Variants in SDC1 observed in about 807,000 individuals in gnomAD.
SDC1 encodes the protein syndecan-1.
SDC1 carries 14 observed loss-of-function variants against 29.7 expected under a neutral mutation model. That is an observed-to-expected ratio of 0.47 (90% CI 0.31 to 0.74). SDC1 has a LOEUF of 0.74. Among genes scored for constraint, SDC1 ranks in the 30% least tolerant of loss-of-function variants. The probability of loss-of-function intolerance (pLI) is 0.05; values close to 1 mark genes in which losing one functional copy is unlikely to be tolerated. For synonymous variants in SDC1, 204 were observed against 175.5 expected (o/e 1.16, Z -1.29); for missense variants, 406 against 400.3 (o/e 1.01, Z -0.12).
In SDC1 at chr2:20,202,088, C is replaced by G. The variant is rs1467092497; in HGVS notation, c.*678G>C. ...TACATTTTGGCTTCCAGATTTGGTT[C>G]TCCTAGTTTAAAAAAAAAAAAAAAA... On this transcript the variant is annotated 3_prime_UTR_variant, in exon 5 of 5. Transcript: ENST00000254351. 2 of 537,310 alleles carry G rather than the reference C, an allele frequency of 3.7e-6. No individual in the cohort carries two copies. Among genetic ancestry groups the G allele is most frequent in the Non-Finnish European group, 6.5e-6 (2 of 309,642 alleles). The allele number at this position is 537,310 out of a possible 1,614,324, so 33.3% of individuals were successfully genotyped here.
chr2:20,215,680 C>A (rs929922577), intron 1 of SDC1, among the ~76,000 whole-genome samples: 2 of 152,218 alleles, frequency 1.3e-5, no homozygotes, highest in African/African-American at 2.4e-5. Flanking sequence ...CCCTCTGGGG[C>A]AGGATATGAG....
intron 1 of SDC1, among the ~76,000 whole-genome samples, chr2:20,208,294 C>G (rs78485828): frequency 6.6e-6 from 1 of 152,196 alleles, no homozygotes; most frequent in Non-Finnish European, 1.5e-5. Flanking sequence ...CTGCCCTGTC[C>G]CTAAAAACAA....
rs148622118 is a variant in SDC1 at position 20,202,168 on chromosome 2, G to C, written c.*598C>G. 205 of 669,194 alleles carry C rather than the reference G, an allele frequency of 3.1e-4. No homozygotes were observed. The East Asian group carries it at 5.3e-3, about 17-fold the overall frequency. 41.5% of individuals were successfully genotyped at this position (669,194 alleles called of 1,614,324 possible). ...ACCATAGATTAGGGAAGCAAGATGG[G>C]GGGATACCGAATCAACTTACTTAAC... On this transcript the variant is annotated 3_prime_UTR_variant, in exon 5 of 5. Coordinates refer to ENST00000254351, the MANE Select transcript of SDC1 (RefSeq NM_002997.5).
chr2:20,219,616 C>T (rs564644644), intron 1 of SDC1, among the ~76,000 whole-genome samples: 7 of 152,226 alleles, frequency 4.6e-5, no homozygotes. Flanking sequence ...TGCTCCCATC[C>T]AAAACCCAAC....
intron 1 of SDC1, among the ~76,000 whole-genome samples, chr2:20,222,240 G>T (rs1408554373): frequency 6.6e-6 from 1 of 152,138 alleles, no homozygotes; most frequent in Non-Finnish European, 1.5e-5. Flanking sequence ...CTGGTCCCCA[G>T]GGGGTTTCTG....
intron 1 of SDC1, among the ~76,000 whole-genome samples, chr2:20,215,301 C>G (rs879487199): frequency 6.6e-6 from 1 of 152,272 alleles, no homozygotes; most frequent in Non-Finnish European, 1.5e-5. Context: ...TGCCTGGCCT[C>G]CTCTCCCATC....
At chr2:20,221,480 T>G (rs1677812125) in intron 1 of SDC1, among the ~76,000 whole-genome samples, 1 of 152,156 alleles carries the variant, frequency 6.6e-6, no homozygotes, top group Non-Finnish European at 1.5e-5. Context: ...AGCACAATGA[T>G]GAGGAGGACG....
chr2:20,202,578 C>A lies in SDC1; in HGVS notation c.*188G>T, dbSNP rs2148277057. The A allele has an allele frequency of 1.6e-6, 1 of 644,362 alleles. No homozygotes were observed. The highest frequency in any genetic ancestry group is 2.7e-6 in the Non-Finnish European group (1 of 366,988). The allele number at this position is 644,362 out of a possible 1,614,324, so 39.9% of individuals were successfully genotyped here. A position where few individuals can be genotyped will look rare whatever the true frequency, so the allele number is the denominator to read the frequency against. The stretch of plus-strand genomic sequence containing the variant: ...ACCCCTGGTGCCCTAAGTCTCCAGG[C>A]AGAAGTCAGAGAAGCAGAGTGGAGC... On this transcript the variant is annotated 3_prime_UTR_variant, in exon 5 of 5. Coordinates refer to ENST00000254351, the MANE Select transcript of SDC1 (RefSeq NM_002997.5).
In SDC1 at chr2:20,203,164, C is replaced by T. The variant is rs576682238; in HGVS notation, c.686G>A (p.Arg229His). The T allele has an allele frequency of 1.5e-5, 24 of 1,613,020 alleles. No individual in the cohort carries two copies. The East Asian group carries it at 2.5e-4, about 16-fold the overall frequency. Residue 229 changes from arginine to histidine, a missense_variant, in exon 4 of 5, where the codon CGC (arginine) becomes CAC (histidine). Coordinates refer to ENST00000254351, the MANE Select transcript of SDC1 (RefSeq NM_002997.5). ...NTAVVAVEPDRRNQSPVDQGA... is the reference protein window; with the variant it reads ...NTAVVAVEPDHRNQSPVDQGA... ...CTGATCCACTGGGGACTGGTTCCGG[C>T]GGTCAGGCTCCACGGCCACTACAGC...
Position 20,202,682 on chromosome 2 carries a change from G to T in SDC1, c.*84C>A. ...CTGGGGAGGTGGCCTGGTGGCAGGG[G>T]AGGCCAGGGCCTGCAGTTCTTCAAG... On this transcript the variant is annotated 3_prime_UTR_variant, in exon 5 of 5. Coordinates refer to ENST00000254351, the MANE Select transcript of SDC1 (RefSeq NM_002997.5). 7.4e-7 allele frequency: 1 copy of T among 1,355,598 alleles called. No individual in the cohort carries two copies. The highest frequency in any genetic ancestry group is 1.0e-6 in the Non-Finnish European group (1 of 987,502). The allele number at this position is 1,355,598 out of a possible 1,614,324, so 84.0% of individuals were successfully genotyped here.
In SDC1 at chr2:20,202,605, C is replaced by A. The variant is rs1269048231; in HGVS notation, c.*161G>T. 2 of 710,280 alleles carry A rather than the reference C, an allele frequency of 2.8e-6. No homozygotes were observed. The highest frequency in any genetic ancestry group is 2.4e-5 in the Admixed American group (1 of 40,876). 44.0% of individuals were successfully genotyped at this position (710,280 alleles called of 1,614,324 possible). A position where few individuals can be genotyped will look rare whatever the true frequency, so the allele number is the denominator to read the frequency against. On this transcript the variant is annotated 3_prime_UTR_variant, in exon 5 of 5. Coordinates refer to ENST00000254351, the MANE Select transcript of SDC1 (RefSeq NM_002997.5). ...GAAGTCAGAGAAGCAGAGTGGAGCT[C>A]CCAGCACACCCCACGACTCCGTGGG...
At chr2:20,210,242 G>A (rs1677422096) in intron 1 of SDC1, among the ~76,000 whole-genome samples, 1 of 152,202 alleles carries the variant, frequency 6.6e-6, no homozygotes, top group South Asian at 2.1e-4. Context: ...TTGGGAGGCT[G>A]AGGCAGGAGA....
chr2:20,208,078 A>G (rs1677338264), intron 1 of SDC1: 4 of 985,470 alleles, frequency 4.1e-6, no homozygotes, highest in Non-Finnish European at 4.8e-6. Flanking sequence ...AGAGTGCCGA[A>G]TCTTTCAGCA....
chr2:20,222,699 C>G (rs1423932399), intron 1 of SDC1, among the ~76,000 whole-genome samples: 1 of 152,196 alleles, frequency 6.6e-6, no homozygotes. Flanking sequence ...ACTGCAGCAT[C>G]TGCCCCAGCC....
At position 20,204,178 on chromosome 2, in the gene SDC1, C is replaced by G; in HGVS notation, c.262G>C (p.Ala88Pro). The G allele has an allele frequency of 1.1e-5, 18 of 1,600,320 alleles. No homozygotes were observed. Among genetic ancestry groups the G allele is most frequent in the Non-Finnish European group, 1.4e-5 (16 of 1,179,830 alleles). The change falls in exon 3 of 5, where the codon GCC becomes CCC. Residue 88 changes from alanine to proline, a missense_variant. Ala to Pro is a conservative substitution (Grantham distance 27). Coordinates refer to ENST00000254351, the MANE Select transcript of SDC1 (RefSeq NM_002997.5). ...CCAGCCGGCAGGGTGGAGGTGGAGG[C>G]AGCTGTAGCCTCCAGGCCGGTGGGT... ...PEPTGLEATA[A>P]STSTLPAGEG...
chr2:20,210,335 T>C (rs1677424024), intron 1 of SDC1, among the ~76,000 whole-genome samples: 1 of 152,146 alleles, frequency 6.6e-6, no homozygotes, highest in Non-Finnish European at 1.5e-5. Flanking sequence ...AGAAACAGTC[T>C]GGTCCTGGCC....
At chr2:20,206,522 G>C (rs926599782) in intron 1 of SDC1, among the ~76,000 whole-genome samples, 1 of 152,192 alleles carries the variant, frequency 6.6e-6, no homozygotes, top group African/African-American at 2.4e-5. Context: ...CAGCAGCCAG[G>C]TGGCGAGAAG....
intron 1 of SDC1, among the ~76,000 whole-genome samples, chr2:20,223,773 CGGCCGGTGGCCG>C (rs1677899569): frequency 6.6e-6 from 1 of 152,212 alleles, no homozygotes; most frequent in Non-Finnish European, 1.5e-5. Flanking sequence ...GGCGGGCTAG[CGGCCGGTGGCCG>C]GGGCGGGAGA....
In SDC1 at chr2:20,224,715, T is replaced by C. The variant is rs988885239; in HGVS notation, c.66+87A>G. Reference sequence around the variant, plus strand: ...GAAGAAGGGAAGTCTTCGCTCCCCCTCCCCCTCCACGTGCACCCGCCGGCA... The same window carrying C: ...GAAGAAGGGAAGTCTTCGCTCCCCCCCCCCCTCCACGTGCACCCGCCGGCA... On this transcript the variant is annotated intron_variant, in intron 1 of 4. Coordinates refer to ENST00000254351, the MANE Select transcript of SDC1 (RefSeq NM_002997.5). The surrounding 1 kb of genome is among the most constrained non-coding windows in gnomAD (Gnocchi z 4.9). The C allele has an allele frequency of 2.5e-6, 3 of 1,204,654 alleles. No homozygotes were observed. The highest frequency in any genetic ancestry group is 3.1e-6 in the Non-Finnish European group (3 of 965,520). 74.6% of individuals were successfully genotyped at this position (1,204,654 alleles called of 1,614,324 possible).
Sources: allele counts gnomAD v4.1 joint callset (sites outside exome capture counted in the v4.1 genomes callset), GRCh38; gene constraint gnomAD v4.1.1; non-coding constraint Gnocchi (gnomAD v3.1); transcripts MANE v1.5; gene names NCBI Gene and HGNC (gene_info 2026-07-23, HGNC 2026-07-21).